Variants in IFT81 observed in about 807,000 individuals in gnomAD.
IFT81 encodes the protein intraflagellar transport 81.
Under a neutral mutation model 102.6 loss-of-function variants are expected in IFT81, and 72 were observed. The observed-to-expected ratio is 0.70, with a 90% CI of 0.58 to 0.85. IFT81 has a LOEUF of 0.85. IFT81 is among the 40% of genes least tolerant of loss of function. The pLI, the probability that IFT81 is intolerant of heterozygous loss-of-function variation, is 0.00. For synonymous variants in IFT81, 237 were observed against 242.7 expected (o/e 0.98, Z 0.22); for missense variants, 723 against 787.3 (o/e 0.92, Z 0.98).
chr12:110,127,333 A>ATT, intron 1 of IFT81, 27 bp from the exon 2 acceptor site: 1 of 1,418,634 alleles, frequency 7.0e-7, no homozygotes, highest in Non-Finnish European at 9.2e-7. Context: ...AGTATTAAGG[A>ATT]TTTTTTTTTC....
At chr12:110,144,943 G>A (rs1313693457) in intron 9 of IFT81, among the ~76,000 whole-genome samples, 1 of 140,112 alleles carries the variant, frequency 7.1e-6, no homozygotes, top group African/African-American at 2.7e-5. Flanking sequence ...TCAGCTCACT[G>A]CAACCTCCAC....
intron 4 of IFT81, among the ~76,000 whole-genome samples, chr12:110,130,768 A>C (rs200258081): frequency 2.6e-3 from 398 of 152,012 alleles, no homozygotes; most frequent in Middle Eastern, 3.4e-3. Flanking sequence ...ATCTCTCTCT[A>C]TATATATGTA....
intron 18 of IFT81, among the ~76,000 whole-genome samples, chr12:110,211,175 CTT>C (rs796140785): frequency 1.1e-4 from 11 of 102,204 alleles, no homozygotes; most frequent in African/African-American, 2.1e-4. Flanking sequence ...ATTAGGCTTT[CTT>C]TTTTTTTTTT....
chr12:110,127,853 A>G (rs1484673409), intron 2 of IFT81, among the ~76,000 whole-genome samples, 193 bp from the exon 3 acceptor site: 1 of 152,194 alleles, frequency 6.6e-6, no homozygotes, highest in African/African-American at 2.4e-5. Context: ...TTGAAGCTTA[A>G]CATTCTTAAT....
chr12:110,197,870 A>G (rs1898084919), intron 14 of IFT81, among the ~76,000 whole-genome samples: 1 of 151,338 alleles, frequency 6.6e-6, no homozygotes, highest in African/African-American at 2.4e-5. Flanking sequence ...GCACCACCAC[A>G]CCCGGCTAAT....
intron 12 of IFT81, among the ~76,000 whole-genome samples, chr12:110,185,766 A>G (rs1897501548): frequency 6.6e-6 from 1 of 151,322 alleles, no homozygotes; most frequent in Non-Finnish European, 1.5e-5. Flanking sequence ...GCTAATTTTT[A>G]TGTGTATTTT....
At chr12:110,126,151 G>A (rs924419291) in intron 1 of IFT81, among the ~76,000 whole-genome samples, 1 of 152,050 alleles carries the variant, frequency 6.6e-6, no homozygotes, top group African/African-American at 2.4e-5. Context: ...GCTGGCAGGC[G>A]CCTGTAGTCC....
intron 7 of IFT81, among the ~76,000 whole-genome samples, chr12:110,135,866 G>GAA (rs199705020): frequency 1.2e-4 from 13 of 107,592 alleles, no homozygotes; most frequent in South Asian, 3.1e-4. Flanking sequence ...GACTTTGTCT[G>GAA]AAAAAAAAAA....
At chr12:110,213,670 A>G (rs1263788771) in intron 18 of IFT81, among the ~76,000 whole-genome samples, 4 of 152,236 alleles carry the variant, frequency 2.6e-5, no homozygotes, top group Admixed American at 2.6e-4. Flanking sequence ...TTACATTCAT[A>G]TAAGAAAGGT....
At chr12:110,166,542 C>T (rs1896445366) in intron 11 of IFT81, among the ~76,000 whole-genome samples, 1 of 151,940 alleles carries the variant, frequency 6.6e-6, no homozygotes, top group African/African-American at 2.4e-5. Context: ...TGTTATCTCA[C>T]AATATACCCT....
At chr12:110,209,921 CT>C (rs1233557551) in intron 18 of IFT81, among the ~76,000 whole-genome samples, 1 of 152,020 alleles carries the variant, frequency 6.6e-6, no homozygotes, top group Non-Finnish European at 1.5e-5. Context: ...ACTGAAAAAC[CT>C]TGCTTGAGAT....
In IFT81 at chr12:110,214,055, C is replaced by A. The variant is rs113652400; in HGVS notation, c.1849-3989C>A. Among the ~76,000 whole-genome samples the A allele has an allele frequency of 1.9e-3, 289 of 152,098 alleles. 2 individuals are homozygous for A. Among genetic ancestry groups the A allele is most frequent in the African/African-American group, 6.6e-3 (274 of 41,498 alleles). On this transcript the variant is annotated intron_variant, in intron 18 of 18. Transcript: ENST00000242591. ...AAAATAAATAAAAAATAAAAGGAAG[C>A]CTTCTTGAAGCTGATTCCTCCATTT...
At chr12:110,201,129 G>A (rs1898244388) in intron 14 of IFT81, among the ~76,000 whole-genome samples, 2 of 151,836 alleles carry the variant, frequency 1.3e-5, no homozygotes, top group African/African-American at 2.4e-5. Flanking sequence ...TTGGCCAGGT[G>A]CAATGACTCA....
chr12:110,183,517 C>A (rs1395552362), intron 12 of IFT81, among the ~76,000 whole-genome samples: 1 of 152,152 alleles, frequency 6.6e-6, no homozygotes, highest in Non-Finnish European at 1.5e-5. Context: ...CAAAGCCATT[C>A]TGTTTGTGAG....
Position 110,135,563 on chromosome 12 carries a change from C to T in IFT81, c.696+126C>T, listed in dbSNP as rs1016497181. On this transcript the variant is annotated intron_variant, in intron 7 of 18. Transcript: ENST00000242591. ...CCTTTTGCTAACATAATGGAATACT[C>T]TTTTAATTAAGATAAATATTTCAGG... The T allele has an allele frequency of 1.4e-5, 8 of 588,938 alleles. No homozygotes were observed. The African/African-American group carries it at 1.5e-4, about 11-fold the overall frequency. The allele number at this position is 588,938 out of a possible 1,614,324, so 36.5% of individuals were successfully genotyped here.
intron 8 of IFT81, among the ~76,000 whole-genome samples, chr12:110,137,208 T>C (rs1894569928): frequency 6.6e-6 from 1 of 151,820 alleles, no homozygotes; most frequent in Non-Finnish European, 1.5e-5. Context: ...AGCGTGGTGG[T>C]GGGTGCCTGT....
chr12:110,218,089 A>G lies in IFT81; in HGVS notation c.1894A>G (p.Asn632Asp), dbSNP rs748757203. The G allele has an allele frequency of 3.1e-6, 5 of 1,605,570 alleles. No homozygotes were observed. Among genetic ancestry groups the G allele is most frequent in the Non-Finnish European group, 3.4e-6 (4 of 1,177,748 alleles). ...QKVIRESHGP[N>D]MKQAKMWRDL... ...AGTTATACGAGAAAGTCATGGTCCA[A>G]ATATGAAACAAGCAAAAATGTGGCG... is the stretch of plus-strand genomic sequence containing the variant. The change falls in exon 19 of 19, where the codon AAT (asparagine) becomes GAT (aspartate). Residue 632 changes from asparagine (N) to aspartate (D), a missense_variant. Coordinates refer to ENST00000242591, the MANE Select transcript of IFT81 (RefSeq NM_014055.4).
At chr12:110,191,226 A>G (rs565646128) in intron 13 of IFT81, among the ~76,000 whole-genome samples, 178 bp downstream of exon 13, 28 of 150,772 alleles carry the variant, frequency 1.9e-4, no homozygotes, top group Admixed American at 7.3e-4. Flanking sequence ...GCTAGAGTGC[A>G]GTGGCATGAA....
intron 10 of IFT81, among the ~76,000 whole-genome samples, chr12:110,159,824 T>C (rs1440838371): frequency 1.3e-5 from 2 of 152,162 alleles, no homozygotes; most frequent in Non-Finnish European, 2.9e-5. Context: ...ACCAGGAACA[T>C]GTGTTTGGGG....
Sources: gnomAD v4.1 joint callset for allele counts (sites outside exome capture counted in the v4.1 genomes callset) on GRCh38, gnomAD v4.1.1 for gene constraint, MANE v1.5 for transcripts, NCBI Gene and HGNC (gene_info 2026-07-23, HGNC 2026-07-21) for gene names.